Variants in ACYP2 observed in about 807,000 individuals in gnomAD.
ACYP2 encodes acylphosphatase-2.
A neutral mutation model predicts 11.2 loss-of-function variants in ACYP2; 12 were observed. The observed-to-expected ratio is 1.08, with a 90% confidence interval of 0.69 to 1.74. The LOEUF (loss-of-function observed/expected upper bound fraction) is 1.74, where lower values mean the gene tolerates loss of function less well. Ranked by LOEUF, ACYP2 falls within the 40% of genes most tolerant of loss-of-function variation. The probability of loss-of-function intolerance (pLI) is 0.00; values close to 1 mark genes in which losing one functional copy is unlikely to be tolerated. For missense variants in ACYP2, 134 were observed against 101.9 expected (o/e 1.31, Z -1.35); for synonymous variants, 43 against 32.2 (o/e 1.33, Z -1.13).
intron 6 of ACYP2, among the ~76,000 whole-genome samples, chr2:54,233,356 G>C (rs934560673): frequency 1.3e-5 from 2 of 149,058 alleles, no homozygotes; most frequent in African/African-American, 5.0e-5. Flanking sequence ...GCCCAAGCTG[G>C]AGTGCAGTGG....
chr2:54,241,044 G>C (rs1277407487), intron 6 of ACYP2, among the ~76,000 whole-genome samples: 1 of 151,904 alleles, frequency 6.6e-6, no homozygotes, highest in African/African-American at 2.4e-5. Flanking sequence ...TCTTCCTTTG[G>C]CTGGCTGGAG....
At chr2:54,018,839 C>G (rs1303760261) in intron 2 of ACYP2, among the ~76,000 whole-genome samples, 2 of 152,032 alleles carry the variant, frequency 1.3e-5, no homozygotes, top group African/African-American at 4.8e-5. Context: ...CGTCCGCCTC[C>G]CAGGTTCAAG....
chr2:54,252,835 C>T (rs968113451), intron 6 of ACYP2, among the ~76,000 whole-genome samples: 6 of 150,794 alleles, frequency 4.0e-5, no homozygotes, highest in African/African-American at 9.8e-5. Flanking sequence ...ACCTGGGAGG[C>T]GGAGCTTGCA....
At chr2:54,095,849 C>T (rs1346253018) in intron 4 of ACYP2, among the ~76,000 whole-genome samples, 5 of 80,096 alleles carry the variant, frequency 6.2e-5, no homozygotes, top group Non-Finnish European at 1.0e-4. Context: ...TCCTCACTTC[C>T]CAGTAGGGGC....
At chr2:53,995,634 G>C (rs188543228) in intron 2 of ACYP2, among the ~76,000 whole-genome samples, 3,797 of 151,518 alleles carry the variant, frequency 0.025, 156 homozygotes, top group African/African-American at 0.088. Context: ...TTTATTTTTA[G>C]TAGAGACAAG....
intron 4 of ACYP2, among the ~76,000 whole-genome samples, chr2:54,126,181 A>C (rs1228132845): frequency 6.6e-6 from 1 of 152,254 alleles, no homozygotes; most frequent in African/African-American, 2.4e-5. Flanking sequence ...AAGATAGGTA[A>C]TAATAACGTA....
At chr2:54,215,338 GA>G (rs1685517140) in intron 6 of ACYP2, among the ~76,000 whole-genome samples, 1 of 152,168 alleles carries the variant, frequency 6.6e-6, no homozygotes, top group South Asian at 2.1e-4. Context: ...TCTTCAAGGA[GA>G]ATGCTTCCAG....
chr2:54,189,806 C>G (rs1377929808), intron 6 of ACYP2, among the ~76,000 whole-genome samples: 1 of 152,246 alleles, frequency 6.6e-6, no homozygotes, highest in East Asian at 1.9e-4. Flanking sequence ...AATGGCTGCA[C>G]CAATCTTCAT....
intron 2 of ACYP2, among the ~76,000 whole-genome samples, chr2:54,009,678 G>A (rs1338512180): frequency 2.0e-5 from 3 of 152,046 alleles, no homozygotes; most frequent in Non-Finnish European, 2.9e-5. Flanking sequence ...ACAGGAGCTG[G>A]GATGAAAAAC....
rs544237758 is a variant in ACYP2, at chr2:54,000,277, G to GT, written c.62+26468dup. Among the ~76,000 whole-genome samples, 111 of 152,188 alleles carry GT rather than the reference G, an allele frequency of 7.3e-4. 2 individuals are homozygous for GT. The South Asian group carries it at 0.022, about 30-fold the overall frequency. ...GTGTAGTTATTCCAAGAAAAAGTAT[G>GT]TCCCCAGAGCCTGTTAATTGGTGTT... On this transcript the variant is annotated intron_variant, in intron 2 of 6. Transcript: ENST00000607452.
chr2:54,253,348 A>G (rs1172469616), intron 6 of ACYP2: 2 of 152,246 alleles, frequency 1.3e-5, no homozygotes, highest in Non-Finnish European at 2.9e-5. Flanking sequence ...TACAAAAAAG[A>G]AAGACTGATA....
intron 2 of ACYP2, among the ~76,000 whole-genome samples, chr2:54,038,941 C>T (rs1340905422): frequency 2.0e-5 from 3 of 151,668 alleles, no homozygotes; most frequent in African/African-American, 4.9e-5. Context: ...CAGGGAAGGG[C>T]TCACTGAGAA....
chr2:54,275,684 G>C (rs764326181), intron 6 of ACYP2, among the ~76,000 whole-genome samples: 4 of 152,034 alleles, frequency 2.6e-5, no homozygotes, highest in Non-Finnish European at 5.9e-5. Flanking sequence ...TCCTTTCTAA[G>C]GAACATCAAG....
At chr2:54,177,576 A>AT (rs370517956) in intron 6 of ACYP2, among the ~76,000 whole-genome samples, 1,871 of 130,652 alleles carry the variant, frequency 0.014, 23 homozygotes, top group East Asian at 0.031. Context: ...GATACCTACT[A>AT]TTTTTTTTTT....
At chr2:54,144,534 C>A (rs562117856) in intron 6 of ACYP2, among the ~76,000 whole-genome samples, 2 of 151,812 alleles carry the variant, frequency 1.3e-5, no homozygotes, top group Non-Finnish European at 2.9e-5. Flanking sequence ...ATTAGCCAGG[C>A]GTGGTGGTAC....
intron 4 of ACYP2, 73 bp downstream of exon 1, chr2:54,115,829 C>T (rs1679741295): frequency 6.9e-7 from 1 of 1,448,552 alleles, no homozygotes; most frequent in African/African-American, 1.5e-5. Context: ...AGAAGCGCCT[C>T]CCACCTAAAG....
At chr2:54,223,939 G>A (rs953473137) in intron 6 of ACYP2, among the ~76,000 whole-genome samples, 2 of 151,914 alleles carry the variant, frequency 1.3e-5, no homozygotes, top group African/African-American at 4.8e-5. Context: ...TTTATTTGGG[G>A]GTATATTCTT....
intron 4 of ACYP2, among the ~76,000 whole-genome samples, chr2:54,070,257 CA>C (rs1676963407): frequency 1.5e-5 from 1 of 65,878 alleles, no homozygotes; most frequent in Non-Finnish European, 2.9e-5. Flanking sequence ...ACAACAAGAG[CA>C]AAAGTCCATC....
intron 6 of ACYP2, among the ~76,000 whole-genome samples, chr2:54,193,661 T>A (rs1684333176): frequency 6.6e-6 from 1 of 152,222 alleles, no homozygotes; most frequent in Admixed American, 6.5e-5. Context: ...TTTATACTCA[T>A]GATGAAAATC....
Sources: allele counts gnomAD v4.1 joint callset (sites outside exome capture counted in the v4.1 genomes callset), GRCh38; gene constraint gnomAD v4.1.1; transcripts MANE v1.5; gene names NCBI Gene and HGNC (gene_info 2026-07-23, HGNC 2026-07-21).